The following NOTCH2 variants were observed in gnomAD, a reference collection of about 807,000 sequenced individuals.
NOTCH2 encodes the protein neurogenic locus notch homolog protein 2.
In NOTCH2, 29 loss-of-function variants were observed where a neutral mutation model predicts 235.8. The observed-to-expected ratio is 0.12, with a 90% CI of 0.09 to 0.17. The LOEUF is 0.17. Ranked by LOEUF, NOTCH2 falls within the 10% of genes least tolerant of loss-of-function variation. The pLI is 1.00. For synonymous variants in NOTCH2, 1,086 were observed against 1,141.5 expected (o/e 0.95, Z 0.98); for missense variants, 2,285 against 3,150.2 (o/e 0.73, Z 6.57).
At chr1:119,938,121 A>G in intron 19 of NOTCH2, 111 bp from the exon 20 acceptor site, 1 of 1,233,396 alleles carries the variant, frequency 8.1e-7, no homozygotes, top group Non-Finnish European at 1.2e-6. Flanking sequence ...ATTAAAAAGA[A>G]AAAGAGCCTT....
chr1:119,999,032 T>C (rs1570731178), intron 3 of NOTCH2, among the ~76,000 whole-genome samples: 2 of 115,870 alleles, frequency 1.7e-5, no homozygotes, highest in Admixed American at 9.3e-5. Flanking sequence ...TCCTTTTTTA[T>C]GGCTGAATAG....
At chr1:120,058,362 A>G (rs1247679087) in intron 1 of NOTCH2, among the ~76,000 whole-genome samples, 81 of 149,948 alleles carry the variant, frequency 5.4e-4, no homozygotes, top group African/African-American at 1.9e-3. Context: ...AAAATTAGCC[A>G]GGCGTTGTGG....
intron 5 of NOTCH2, among the ~76,000 whole-genome samples, chr1:119,983,283 G>A (rs1408556080): frequency 7.3e-5 from 11 of 151,054 alleles, no homozygotes; most frequent in African/African-American, 2.7e-4. Context: ...CCTCCCAAGT[G>A]ACCAGGACTA....
chr1:119,966,290 C>T, intron 9 of NOTCH2, 86 bp downstream of exon 9: 1 of 875,256 alleles, frequency 1.1e-6, no homozygotes, highest in Non-Finnish European at 2.0e-6. Context: ...ATGCACAGCC[C>T]ACACACATTC....
intron 26 of NOTCH2, 106 bp from the exon 27 acceptor site, chr1:119,922,884 C>G: frequency 7.2e-7 from 1 of 1,395,060 alleles, no homozygotes; most frequent in Non-Finnish European, 1.0e-6. Context: ...CTCCCTTCCT[C>G]CCCTTCAGCA....
At chr1:119,931,088 G>C (rs754446810) in intron 22 of NOTCH2, among the ~76,000 whole-genome samples, 1 of 136,922 alleles carries the variant, frequency 7.3e-6, no homozygotes, top group Non-Finnish European at 1.5e-5. Context: ...GGGCAACAGA[G>C]CAAGACTCTG....
chr1:119,916,692 T>C lies in NOTCH2; in HGVS notation c.6030A>G (p.Glu2010=). The change falls in exon 34 of 34, where the codon GAA becomes GAG. Residue 2010 remains glutamate, a splice_region_variant and synonymous_variant. Coordinates refer to ENST00000256646, the MANE Select transcript of NOTCH2 (RefSeq NM_024408.4). ...GGGCAGCAAGAAACAGAGGTGTCTC[T>C]TCCTACAGAAAAGGCCCATCACAGA... is the stretch of plus-strand genomic sequence containing the variant. ...GANRDMQDNK[E]ETPLFLAARE... is the part of the protein sequence containing the mutation. The C allele has an allele frequency of 1.2e-6, 2 of 1,614,090 alleles. No individual in the cohort carries two copies. The highest frequency in any genetic ancestry group is 1.7e-6 in the Non-Finnish European group (2 of 1,179,996).
chr1:120,061,341 C>CAA (rs200420620), intron 1 of NOTCH2, among the ~76,000 whole-genome samples: 6 of 129,456 alleles, frequency 4.6e-5, no homozygotes, highest in South Asian at 2.7e-4. Flanking sequence ...AATCTTCTCA[C>CAA]AAAAAAAAAG....
At chr1:120,007,100 G>A (rs1362909830) in intron 2 of NOTCH2, among the ~76,000 whole-genome samples, 1 of 152,130 alleles carries the variant, frequency 6.6e-6, no homozygotes, top group Non-Finnish European at 1.5e-5. Flanking sequence ...GGAGCAAGGA[G>A]CGGCTAAGGC....
chr1:120,069,546 A>T lies in NOTCH2; in HGVS notation c.-140T>A. On this transcript the variant is annotated 5_prime_UTR_variant, in exon 1 of 34. Transcript: ENST00000256646. ...CTCAGGCCCTGGCGCTACGCTCCGA[A>T]GCCCAGGCGCAAATGCCTCGACTCC... is the stretch of plus-strand genomic sequence containing the variant. 1 of 1,414,206 alleles carries T rather than the reference A, an allele frequency of 7.1e-7. No individual in the cohort carries two copies. The highest frequency in any genetic ancestry group is 1.5e-5 in the South Asian group (1 of 67,176). 87.6% of individuals were successfully genotyped at this position (1,414,206 alleles called of 1,614,324 possible).
Position 120,069,368 on chromosome 1 carries a change from C to T in NOTCH2, c.39G>A (p.Leu13=). 6.4e-7 allele frequency: 1 copy of T among 1,570,846 alleles called. No individual in the cohort carries two copies. Among genetic ancestry groups the T allele is most frequent in the East Asian group, 2.3e-5 (1 of 43,164 alleles). The part of the protein sequence containing the change: ...ALRPALLWAL[L]ALWLCCAAPA... ...GGGCCGCGCAGCACAGCCAGAGCGC[C>T]AGCAGCGCCCACAGCAGAGCGGGGC... is the stretch of plus-strand genomic sequence containing the variant. The change falls in exon 1 of 34, where the codon CTG becomes CTA. Residue 13 remains leucine, a synonymous_variant. Transcript: ENST00000256646.
At chr1:119,972,546 T>C (rs1651407576) in intron 5 of NOTCH2, among the ~76,000 whole-genome samples, 1 of 152,228 alleles carries the variant, frequency 6.6e-6, no homozygotes, top group African/African-American at 2.4e-5. Flanking sequence ...CTATTTTGTA[T>C]ACATTTCTTA....
chr1:119,926,134 C>T (rs1383975522), intron 24 of NOTCH2, among the ~76,000 whole-genome samples: 1 of 152,178 alleles, frequency 6.6e-6, no homozygotes, highest in Non-Finnish European at 1.5e-5. Context: ...CAACTCTGGC[C>T]CAATCTGGGC....
chr1:120,067,398 G>A (rs1400295397), intron 1 of NOTCH2, among the ~76,000 whole-genome samples: 21 of 152,096 alleles, frequency 1.4e-4, no homozygotes, highest in African/African-American at 4.8e-4. Flanking sequence ...GCAGAGCAGA[G>A]GTGGAGGGCA....
At chr1:119,981,551 TA>T (rs1417426849) in intron 5 of NOTCH2, among the ~76,000 whole-genome samples, 1 of 152,150 alleles carries the variant, frequency 6.6e-6, no homozygotes, top group Non-Finnish European at 1.5e-5. Flanking sequence ...GCCTGTAACA[TA>T]GCCAAGGCTA....
chr1:120,002,635 G>A (rs113821507), intron 3 of NOTCH2, among the ~76,000 whole-genome samples: 27 of 137,576 alleles, frequency 2.0e-4, no homozygotes, highest in Non-Finnish European at 3.9e-4. Flanking sequence ...GTGACCAGCT[G>A]CAGAAATGAG....
intron 14 of NOTCH2, among the ~76,000 whole-genome samples, chr1:119,952,488 G>A (rs868971434): frequency 1.3e-5 from 2 of 152,154 alleles, no homozygotes; most frequent in Non-Finnish European, 2.9e-5. Flanking sequence ...GGAGGTGATG[G>A]GAGACAGTGA....
chr1:120,024,821 C>T (rs1177158068), intron 2 of NOTCH2, among the ~76,000 whole-genome samples: 1 of 151,708 alleles, frequency 6.6e-6, no homozygotes, highest in Admixed American at 6.6e-5. Context: ...CTGAAAGGCC[C>T]CTTTATATTT....
chr1:119,979,972 C>G (rs1240282991), intron 5 of NOTCH2, among the ~76,000 whole-genome samples: 1 of 152,154 alleles, frequency 6.6e-6, no homozygotes, highest in Non-Finnish European at 1.5e-5. Context: ...AATTATCACA[C>G]CATGGTCTGT....
Sources: gnomAD v4.1 joint callset for allele counts (sites outside exome capture counted in the v4.1 genomes callset) on GRCh38, gnomAD v4.1.1 for gene constraint, MANE v1.5 for transcripts, NCBI Gene and HGNC (gene_info 2026-07-23, HGNC 2026-07-21) for gene names.